The following RPTOR variants were observed in gnomAD, a reference collection of about 807,000 sequenced individuals.
The protein encoded by RPTOR is regulatory associated protein of MTOR complex 1, also known as regulatory-associated protein of mTOR.
A neutral mutation model predicts 169.9 loss-of-function variants in RPTOR; 21 were observed. The ratio of observed to expected loss-of-function variants is 0.12; its 90% confidence interval spans 0.09 to 0.18. The LOEUF (loss-of-function observed/expected upper bound fraction) is 0.18. Among genes scored for constraint, RPTOR ranks in the 10% least tolerant of loss-of-function variants. The pLI is 1.00. For synonymous variants in RPTOR, 732 were observed against 753.2 expected, an observed-to-expected ratio of 0.97 and a Z score of 0.46; for missense variants, 1,133 against 1,855.9, an observed-to-expected ratio of 0.61 and a Z score of 7.16.
At position 80,853,391 on chromosome 17, in the gene RPTOR, C is replaced by T. The variant is rs137872458; in HGVS notation, c.1315-2073C>T. Among the ~76,000 whole-genome samples the T allele has an allele frequency of 1.4e-3, 220 of 152,230 alleles. 5 individuals are homozygous for T. The East Asian group carries it at 0.034, about 23-fold the overall frequency. ...TTCTCCTGGGGGGAGGGAAAACCTC[C>T]GAGGCCTGCAGCGAGGCCAGGTCAG... On this transcript the variant is annotated intron_variant, in intron 11 of 33. Coordinates refer to ENST00000306801, the MANE Select transcript of RPTOR (RefSeq NM_020761.3).
In RPTOR at chr17:80,878,637, C is replaced by T. The variant is rs532340928; in HGVS notation, c.1510-1778C>T. 5.1e-4 allele frequency among the ~76,000 whole-genome samples: 77 copies of T among 152,326 alleles called. No individual in the cohort carries two copies. The highest frequency in any genetic ancestry group is 1.7e-3 in the African/African-American group (72 of 41,568). On this transcript the variant is annotated intron_variant, in intron 13 of 33. Coordinates refer to ENST00000306801, the MANE Select transcript of RPTOR (RefSeq NM_020761.3). This position sits in a 1 kb window ranked among gnomAD's most constrained non-coding sequence, Gnocchi z 4.1. ...CTGGGATTATAGGCATGAGCCACCA[C>T]GCCCAGCTGAGCACAGATTTTTAAA... is the stretch of plus-strand genomic sequence containing the variant.
rs1279312113 is a variant in RPTOR, at chr17:80,645,930, G to A, written c.348+2120G>A. On this transcript the variant is annotated intron_variant, in intron 3 of 33. Transcript: ENST00000306801. ...TAGTCTGGGAAAATTTGTTAAAGTT[G>A]GCCAGATTTCAAGAATGGATGTGCA... Among the ~76,000 whole-genome samples, 6 of 152,288 alleles carry A rather than the reference G, an allele frequency of 3.9e-5. No individual in the cohort carries two copies. In the South Asian group the frequency reaches 1.0e-3, roughly 26 times the overall value.
chr17:80,774,326 T>C (rs2066872975), intron 6 of RPTOR: 1 of 985,442 alleles, frequency 1.0e-6, no homozygotes, highest in South Asian at 4.7e-5. Context: ...CGCAATGTCA[T>C]GTAAGCTGTT....
chr17:80,793,372 C>T (rs79234680), intron 7 of RPTOR, among the ~76,000 whole-genome samples: 1,573 of 152,278 alleles, frequency 0.01, 30 homozygotes, highest in African/African-American at 0.036. Flanking sequence ...ATTAATATTT[C>T]AGCAGTTATA....
At chr17:80,570,987 C>G (rs1184110938) in intron 1 of RPTOR, among the ~76,000 whole-genome samples, 1 of 152,180 alleles carries the variant, frequency 6.6e-6, no homozygotes, top group Non-Finnish European at 1.5e-5. Flanking sequence ...TAGAGTTTCT[C>G]CTTTCTCTGA....
intron 13 of RPTOR, among the ~76,000 whole-genome samples, chr17:80,873,561 G>A (rs1261960350): frequency 2.0e-5 from 3 of 152,202 alleles, no homozygotes; most frequent in Non-Finnish European, 4.4e-5. Context: ...GCAAAGGGTG[G>A]GGAGAGAAGC....
chr17:80,669,879 C>G (rs919939851), intron 3 of RPTOR, among the ~76,000 whole-genome samples: 5 of 152,124 alleles, frequency 3.3e-5, no homozygotes, highest in Non-Finnish European at 7.3e-5. Context: ...GTTCTTCAGT[C>G]GTCACTTTCA....
intron 1 of RPTOR, among the ~76,000 whole-genome samples, chr17:80,591,969 A>C (rs2065111049): frequency 6.6e-6 from 1 of 151,990 alleles, no homozygotes; most frequent in African/African-American, 2.4e-5. Flanking sequence ...TCAGCTTTGG[A>C]TCCTTCCTTC....
chr17:80,729,886 G>T (rs1449200547), intron 4 of RPTOR, among the ~76,000 whole-genome samples: 1 of 152,124 alleles, frequency 6.6e-6, no homozygotes, highest in African/African-American at 2.4e-5. Context: ...GCAGCCATGG[G>T]GTACATGAGG....
chr17:80,731,383 GTTTC>G (rs1188269527), intron 5 of RPTOR, among the ~76,000 whole-genome samples: 1 of 151,312 alleles, frequency 6.6e-6, no homozygotes, highest in Non-Finnish European at 1.5e-5. Context: ...TCCTGCCCCG[GTTTC>G]TTTTTCTGTT....
chr17:80,930,425 TC>T (rs2068878514), intron 24 of RPTOR, among the ~76,000 whole-genome samples: 1 of 364 alleles, frequency 2.7e-3, no homozygotes, highest in African/African-American at 0.01. Flanking sequence ...CATCCTCAGC[TC>T]ATCCTCATCC....
rs2067707115 is a variant in RPTOR at position 80,844,717 on chromosome 17, T to C, written c.1213-1756T>C. Reference sequence around the variant, plus strand: ...GGGCTCTGCCCGCCAGGCTCCTCTGTGGAGGCTGCCGAGAGCGCTCCTGGA... The same window carrying C: ...GGGCTCTGCCCGCCAGGCTCCTCTGCGGAGGCTGCCGAGAGCGCTCCTGGA... On this transcript the variant is annotated intron_variant, in intron 10 of 33. Transcript: ENST00000306801. The surrounding 1 kb of genome is among the most constrained non-coding windows in gnomAD (Gnocchi z 4.7). 6.6e-6 allele frequency among the ~76,000 whole-genome samples: 1 copy of C among 152,210 alleles called. No individual in the cohort carries two copies. Among genetic ancestry groups the C allele is most frequent in the South Asian group, 2.1e-4 (1 of 4,832 alleles).
intron 6 of RPTOR, among the ~76,000 whole-genome samples, chr17:80,766,131 C>G (rs1245398212): frequency 3.3e-5 from 5 of 152,154 alleles, no homozygotes; most frequent in African/African-American, 4.8e-5. Context: ...ACACGGCCCA[C>G]CGTAGTCTCA....
At chr17:80,652,032 T>C (rs1214478285) in intron 3 of RPTOR, among the ~76,000 whole-genome samples, 3 of 146,364 alleles carry the variant, frequency 2.0e-5, no homozygotes, top group Admixed American at 1.4e-4. Flanking sequence ...TAGCTGGGCG[T>C]GGTGGCGGGT....
chr17:80,821,654 C>CTGTT (rs1306633447), intron 7 of RPTOR, among the ~76,000 whole-genome samples: 1 of 152,224 alleles, frequency 6.6e-6, no homozygotes, highest in Non-Finnish European at 1.5e-5. Context: ...GTTCATTTGC[C>CTGTT]TGTTACCTGT....
chr17:80,679,695 G>A (rs2065884183), intron 3 of RPTOR, among the ~76,000 whole-genome samples: 1 of 152,222 alleles, frequency 6.6e-6, no homozygotes, highest in Non-Finnish European at 1.5e-5. Flanking sequence ...ATAGTTTATA[G>A]CTGTAAGGAG....
chr17:80,580,287 G>T (rs2065003204), intron 1 of RPTOR, among the ~76,000 whole-genome samples: 1 of 152,178 alleles, frequency 6.6e-6, no homozygotes, highest in Non-Finnish European at 1.5e-5. Context: ...TTCTGGAAGT[G>T]ATAGAAATAA....
intron 6 of RPTOR, among the ~76,000 whole-genome samples, chr17:80,762,471 A>G (rs555159091): frequency 6.6e-6 from 1 of 152,338 alleles, no homozygotes; most frequent in South Asian, 2.1e-4. Context: ...TGCCCTTGAT[A>G]GGCATGGCCT....
At chr17:80,839,141 G>C (rs187826297) in intron 10 of RPTOR, among the ~76,000 whole-genome samples, 1 of 152,244 alleles carries the variant, frequency 6.6e-6, no homozygotes. Flanking sequence ...GTGTGCCTGC[G>C]TGCGTGCGTG....
Sources: allele counts gnomAD v4.1 joint callset (sites outside exome capture counted in the v4.1 genomes callset), GRCh38; gene constraint gnomAD v4.1.1; non-coding constraint Gnocchi (gnomAD v3.1); transcripts MANE v1.5; gene names NCBI Gene and HGNC (gene_info 2026-07-23, HGNC 2026-07-21).